The following RASAL2 variants were observed in gnomAD, a reference collection of about 807,000 sequenced individuals.
The protein encoded by RASAL2 is RAS protein activator like 2, also known as ras GTPase-activating protein nGAP.
In RASAL2, 58 loss-of-function variants were observed where a neutral mutation model predicts 128.9. The observed-to-expected ratio is 0.45, with a 90% CI of 0.36 to 0.56. The LOEUF is 0.56. Ranked by LOEUF, RASAL2 falls within the 20% of genes least tolerant of loss-of-function variation. The probability of loss-of-function intolerance (pLI) is 0.00; values close to 1 mark genes in which losing one functional copy is unlikely to be tolerated. For synonymous variants in RASAL2, 561 were observed against 580.8 expected, an observed-to-expected ratio of 0.97 and a Z score of 0.49; for missense variants, 1,360 against 1,601.6, an observed-to-expected ratio of 0.85 and a Z score of 2.57.
intron 1 of RASAL2, among the ~76,000 whole-genome samples, chr1:178,256,619 A>G (rs1665354926): frequency 1.3e-5 from 2 of 152,220 alleles, no homozygotes; most frequent in Admixed American, 1.3e-4. Context: ...AATATACAGT[A>G]AATATATAAC....
intron 1 of RASAL2, among the ~76,000 whole-genome samples, chr1:178,252,946 G>A (rs572785072): frequency 4.6e-5 from 7 of 152,272 alleles, no homozygotes; most frequent in Non-Finnish European, 8.8e-5. Flanking sequence ...CTGGATTACC[G>A]TAGCAGCCTC....
chr1:178,170,181 A>T (rs903011448), intron 1 of RASAL2, among the ~76,000 whole-genome samples: 1 of 151,954 alleles, frequency 6.6e-6, no homozygotes, highest in South Asian at 2.1e-4. Context: ...CTTGACCTGC[A>T]TTTATAGGAA....
chr1:178,164,828 T>C (rs1179805724), intron 1 of RASAL2, among the ~76,000 whole-genome samples: 1 of 90,356 alleles, frequency 1.1e-5, no homozygotes, highest in East Asian at 2.6e-4. Flanking sequence ...AACGTTTGTG[T>C]GTGTGTGTGT....
At chr1:178,212,045 A>T (rs1398566193) in intron 1 of RASAL2, among the ~76,000 whole-genome samples, 1 of 152,164 alleles carries the variant, frequency 6.6e-6, no homozygotes, top group Non-Finnish European at 1.5e-5. Context: ...TATTCAAATG[A>T]ACTATAAAAT....
At chr1:178,194,171 C>G (rs1454610479) in intron 1 of RASAL2, among the ~76,000 whole-genome samples, 1 of 152,212 alleles carries the variant, frequency 6.6e-6, no homozygotes, top group Non-Finnish European at 1.5e-5. Flanking sequence ...CTTATCACTC[C>G]TGAGCAACAT....
chr1:178,333,951 G>A (rs1290381672), intron 3 of RASAL2, among the ~76,000 whole-genome samples: 1 of 152,088 alleles, frequency 6.6e-6, no homozygotes, highest in Non-Finnish European at 1.5e-5. Flanking sequence ...AGAAAAACTT[G>A]GCTTGTTTTT....
chr1:178,162,050 C>A (rs867539421), intron 1 of RASAL2, among the ~76,000 whole-genome samples: 1 of 150,216 alleles, frequency 6.7e-6, no homozygotes, highest in Non-Finnish European at 1.5e-5. Flanking sequence ...CTGCAAGCTC[C>A]GCCTCTCAGC....
chr1:178,109,128 A>G (rs1659203738), intron 1 of RASAL2, among the ~76,000 whole-genome samples: 3 of 152,202 alleles, frequency 2.0e-5, no homozygotes, highest in Admixed American at 2.0e-4. Context: ...TCCAGGATTT[A>G]TTCAGGTGGC....
At chr1:178,283,242 G>C (rs10494513) in intron 1 of RASAL2, among the ~76,000 whole-genome samples, 14,264 of 152,132 alleles carry the variant, frequency 0.094, 724 homozygotes, top group Middle Eastern at 0.13. Context: ...CTCTGCTTCT[G>C]TATTTTAAAC....
At chr1:178,155,658 T>C (rs926971429) in intron 1 of RASAL2, among the ~76,000 whole-genome samples, 2 of 151,136 alleles carry the variant, frequency 1.3e-5, no homozygotes, top group Non-Finnish European at 2.9e-5. Context: ...TTTTTTTTTT[T>C]CCTTTTTCTT....
chr1:178,204,540 T>C (rs1336826771), intron 1 of RASAL2, among the ~76,000 whole-genome samples: 1 of 152,200 alleles, frequency 6.6e-6, no homozygotes, highest in Non-Finnish European at 1.5e-5. Context: ...TTTTATATTT[T>C]AAAAGTGATA....
chr1:178,138,234 T>C (rs1660399282), intron 1 of RASAL2, among the ~76,000 whole-genome samples: 1 of 152,212 alleles, frequency 6.6e-6, no homozygotes, highest in Non-Finnish European at 1.5e-5. Flanking sequence ...ATCTTTTGGC[T>C]ACCTTTATAA....
At chr1:178,109,858 C>G (rs1338522806) in intron 1 of RASAL2, among the ~76,000 whole-genome samples, 1 of 151,974 alleles carries the variant, frequency 6.6e-6, no homozygotes, top group Non-Finnish European at 1.5e-5. Flanking sequence ...CCTGCCTCTA[C>G]AAAAAATAAA....
Position 178,225,859 on chromosome 1 carries a change from T to C in RASAL2, c.203-57705T>C, listed in dbSNP as rs538191810. Among the ~76,000 whole-genome samples, 66 of 152,226 alleles carry C rather than the reference T, an allele frequency of 4.3e-4. 3 individuals are homozygous for C. The highest frequency in any genetic ancestry group is 4.4e-5 in the Non-Finnish European group (3 of 67,986). ...TGAATTTTTTATTGTGCTTTCTTTA[T>C]GTGCTATAGATAATCTTTGTCTTCA... On this transcript the variant is annotated intron_variant, in intron 1 of 17. Coordinates refer to ENST00000367649, the MANE Select transcript of RASAL2 (RefSeq NM_170692.4).
intron 1 of RASAL2, among the ~76,000 whole-genome samples, chr1:178,228,583 C>A (rs643329): frequency 0.95 from 145,241 of 152,172 alleles, 69,664 homozygotes; most frequent in East Asian, 1. Flanking sequence ...CCCGGGGAAA[C>A]GAAAAAAAGA....
chr1:178,442,673 A>G lies in RASAL2; in HGVS notation c.928-2A>G. The stretch of plus-strand genomic sequence containing the variant: ...AAATTCAGCTTTGTTGCCTCTTTAT[A>G]GGACAATTGCAGGCGAGCTGAAAAT... On this transcript the variant is annotated splice_acceptor_variant, in intron 7 of 17. Coordinates refer to ENST00000367649, the MANE Select transcript of RASAL2 (RefSeq NM_170692.4). LOFTEE classifies it high-confidence loss of function. 2 of 1,593,340 alleles carry G rather than the reference A, an allele frequency of 1.3e-6. No homozygotes were observed. Among genetic ancestry groups the G allele is most frequent in the Non-Finnish European group, 1.7e-6 (2 of 1,171,576 alleles).
intron 5 of RASAL2, among the ~76,000 whole-genome samples, chr1:178,430,697 A>C (rs756548723): frequency 3.3e-5 from 5 of 152,106 alleles, no homozygotes; most frequent in Non-Finnish European, 5.9e-5. Flanking sequence ...TTATCTACAC[A>C]TATCTTAAAT....
intron 1 of RASAL2, among the ~76,000 whole-genome samples, chr1:178,101,589 A>G (rs767732526): frequency 6.6e-6 from 1 of 152,258 alleles, no homozygotes; most frequent in Non-Finnish European, 1.5e-5. Context: ...TAGATAAGAT[A>G]ACAAAATTCG....
In RASAL2 at chr1:178,382,237, C is replaced by A. The variant is rs556838917; in HGVS notation, c.458-7863C>A. On this transcript the variant is annotated intron_variant, in intron 3 of 17. Coordinates refer to ENST00000367649, the MANE Select transcript of RASAL2 (RefSeq NM_170692.4). ...TTTATAAGTTGTTTCCTGTTTTGTT[C>A]ACATTTTTTCACCATTAACTTTTGT... Among the ~76,000 whole-genome samples the A allele has an allele frequency of 1.4e-4, 22 of 152,148 alleles. No individual in the cohort carries two copies. The South Asian group carries it at 4.4e-3, about 30-fold the overall frequency.
Sources: allele counts gnomAD v4.1 joint callset (sites outside exome capture counted in the v4.1 genomes callset), GRCh38; gene constraint gnomAD v4.1.1; transcripts MANE v1.5; gene names NCBI Gene and HGNC (gene_info 2026-07-23, HGNC 2026-07-21).